Variants in NLK observed in about 807,000 individuals in gnomAD.
NLK encodes the protein serine/threonine-protein kinase NLK.
NLK carries 11 observed loss-of-function variants against 59.0 expected under a neutral mutation model. The ratio of observed to expected loss-of-function variants is 0.19; its 90% CI spans 0.12 to 0.31. The LOEUF is 0.31. Ranked by LOEUF, NLK falls within the 10% of genes least tolerant of loss-of-function variation. The pLI, the probability that NLK is intolerant of heterozygous loss-of-function variation, is 1.00. For synonymous variants in NLK, 235 were observed against 235.9 expected (o/e 1.00, Z 0.03); for missense variants, 410 against 661.1 (o/e 0.62, Z 4.16).
intron 1 of NLK, among the ~76,000 whole-genome samples, chr17:28,103,061 A>T (rs1904957512): frequency 1.3e-5 from 2 of 152,178 alleles, no homozygotes; most frequent in Non-Finnish European, 1.5e-5. Flanking sequence ...CCCTTCCTAT[A>T]TATTTCCTTT....
chr17:28,119,319 C>A (rs972116439), intron 1 of NLK, among the ~76,000 whole-genome samples: 1 of 152,208 alleles, frequency 6.6e-6, no homozygotes, highest in Non-Finnish European at 1.5e-5. Flanking sequence ...TTGCCAGCCA[C>A]AGGCATGACT....
At chr17:28,062,828 A>G (rs963095242) in intron 1 of NLK, among the ~76,000 whole-genome samples, 4 of 152,132 alleles carry the variant, frequency 2.6e-5, no homozygotes, top group African/African-American at 9.7e-5. Context: ...TGATCCACCC[A>G]CCTCAGCCTC....
chr17:28,170,886 C>T (rs1330820622), intron 6 of NLK, among the ~76,000 whole-genome samples: 1 of 152,124 alleles, frequency 6.6e-6, no homozygotes, highest in African/African-American at 2.4e-5. Flanking sequence ...CAGGAGAATT[C>T]ATGTCTGTCT....
At chr17:28,198,189 T>G (rs1195836494), downstream of NLK, among the ~76,000 whole-genome samples, 1 of 152,120 alleles carries the variant, frequency 6.6e-6, no homozygotes, top group Non-Finnish European at 1.5e-5. Flanking sequence ...CAGACTGGAG[T>G]GCAGTGGCTT....
chr17:28,100,274 T>G (rs1202051141), intron 1 of NLK, among the ~76,000 whole-genome samples: 1 of 152,240 alleles, frequency 6.6e-6, no homozygotes, highest in Non-Finnish European at 1.5e-5. Context: ...CCAAAGTGTC[T>G]GTACACTTTG....
At chr17:28,111,196 T>C (rs1012465467) in intron 1 of NLK, among the ~76,000 whole-genome samples, 2 of 151,728 alleles carry the variant, frequency 1.3e-5, no homozygotes, top group African/African-American at 4.8e-5. Flanking sequence ...TTCGTTTGTT[T>C]GTTCGTTTGA....
At chr17:28,144,833 A>G (rs1907173978) in intron 3 of NLK, among the ~76,000 whole-genome samples, 1 of 152,206 alleles carries the variant, frequency 6.6e-6, no homozygotes, top group South Asian at 2.1e-4. Flanking sequence ...ATTGGAGGAT[A>G]TGGTGAATCA....
chr17:28,055,266 T>C (rs1274295002), intron 1 of NLK, among the ~76,000 whole-genome samples: 1 of 152,086 alleles, frequency 6.6e-6, no homozygotes, highest in African/African-American at 2.4e-5. Flanking sequence ...CTAATTCTTA[T>C]ATTTTTAGTA....
At chr17:28,079,716 G>GTA (rs537013196) in intron 1 of NLK, among the ~76,000 whole-genome samples, 3 of 152,010 alleles carry the variant, frequency 2.0e-5, no homozygotes, top group Non-Finnish European at 4.4e-5. Flanking sequence ...AGAGTTCCTT[G>GTA]TATATTCTAG....
intron 1 of NLK, among the ~76,000 whole-genome samples, chr17:28,044,532 GTCCCCAA>G (rs1363525106): frequency 2.0e-5 from 3 of 152,188 alleles, no homozygotes; most frequent in Non-Finnish European, 4.4e-5. Flanking sequence ...TTCTCAGCTA[GTCCCCAA>G]GGAAGTTTCT....
At chr17:28,191,893 G>C (rs1047197221) in intron 9 of NLK, among the ~76,000 whole-genome samples, 1 of 152,158 alleles carries the variant, frequency 6.6e-6, no homozygotes, top group East Asian at 1.9e-4. Flanking sequence ...CCCACTGATG[G>C]GGTTGCAGTC....
chr17:28,192,311 G>C (rs1909333899), intron 10 of NLK, 98 bp downstream of exon 10: 3 of 677,998 alleles, frequency 4.4e-6, no homozygotes, highest in Non-Finnish European at 7.6e-6. Flanking sequence ...AGATAACATA[G>C]ATAAAAGGTG....
At chr17:28,100,273 C>G (rs1430202867) in intron 1 of NLK, among the ~76,000 whole-genome samples, 1 of 152,174 alleles carries the variant, frequency 6.6e-6, no homozygotes, top group East Asian at 1.9e-4. Context: ...TCCAAAGTGT[C>G]TGTACACTTT....
chr17:28,205,194 A>G, the NLK span, among the ~76,000 whole-genome samples: 1 of 152,230 alleles, frequency 6.6e-6, no homozygotes, highest in Non-Finnish European at 1.5e-5. Context: ...ATGGCACATT[A>G]TGTGTGGTGA....
At chr17:28,172,941 T>C (rs2142058274) in intron 7 of NLK, among the ~76,000 whole-genome samples, 1 of 152,300 alleles carries the variant, frequency 6.6e-6, no homozygotes, top group South Asian at 2.1e-4. Context: ...ACCTACTACA[T>C]GTATATCAAG....
At chr17:28,127,489 A>G (rs1382067648) in intron 2 of NLK, among the ~76,000 whole-genome samples, 1 of 152,196 alleles carries the variant, frequency 6.6e-6, no homozygotes, top group African/African-American at 2.4e-5. Flanking sequence ...AGGAGTTGGA[A>G]AAAGCAAAGG....
At chr17:28,163,234 G>C (rs1769238694) in intron 4 of NLK, among the ~76,000 whole-genome samples, 1 of 152,228 alleles carries the variant, frequency 6.6e-6, no homozygotes, top group Admixed American at 6.5e-5. Context: ...TAGCCACACT[G>C]ACTAGCAATC....
chr17:28,109,124 T>C (rs1404124336), intron 1 of NLK, among the ~76,000 whole-genome samples: 2 of 150,992 alleles, frequency 1.3e-5, no homozygotes, highest in African/African-American at 4.9e-5. Context: ...TGAGCCAAGA[T>C]CGCACCACTG....
chr17:28,042,744 T>A lies in NLK; in HGVS notation c.-130T>A, dbSNP rs537732792. The A allele has an allele frequency of 3.6e-6, 3 of 827,962 alleles. No individual in the cohort carries two copies. The South Asian group carries it at 6.4e-5, about 18-fold the overall frequency. The allele number at this position is 827,962 out of a possible 1,614,324, so 51.3% of individuals were successfully genotyped here. The stretch of plus-strand genomic sequence containing the variant: ...TTAAACACCAAGATCCTCTAACTTG[T>A]TTGGATTGACTGATGAAGACATAAA... On this transcript the variant is annotated 5_prime_UTR_variant, in exon 1 of 11. Transcript: ENST00000407008.
Sources: allele counts gnomAD v4.1 joint callset (sites outside exome capture counted in the v4.1 genomes callset), GRCh38; gene constraint gnomAD v4.1.1; transcripts MANE v1.5; gene names NCBI Gene and HGNC (gene_info 2026-07-23, HGNC 2026-07-21).